Variants in TIAM2 observed in about 807,000 individuals in gnomAD.
TIAM2 encodes the protein TIAM Rac1 associated GEF 2.
Under a neutral mutation model 152.9 loss-of-function variants are expected in TIAM2, and 80 were observed. The observed-to-expected ratio is 0.52, with a 90% CI of 0.44 to 0.63. TIAM2 has a LOEUF of 0.63. Among genes scored for constraint, TIAM2 ranks in the 30% least tolerant of loss-of-function variants. TIAM2 has a pLI of 0.00. For missense variants in TIAM2, 1,965 were observed against 2,120.1 expected, an observed-to-expected ratio of 0.93 and a Z score of 1.44; for synonymous variants, 804 against 838.0, an observed-to-expected ratio of 0.96 and a Z score of 0.70.
At chr6:155,233,163 T>C (rs1782568323) in intron 15 of TIAM2, among the ~76,000 whole-genome samples, 1 of 152,144 alleles carries the variant, frequency 6.6e-6, no homozygotes, top group Non-Finnish European at 1.5e-5. Flanking sequence ...AGTCTTGAAA[T>C]AGTTCTGGGT....
chr6:155,052,815 C>A (rs1475488928), intron 1 of TIAM2, among the ~76,000 whole-genome samples: 1 of 150,986 alleles, frequency 6.6e-6, no homozygotes, highest in Non-Finnish European at 1.5e-5. Flanking sequence ...GCCTGATATG[C>A]AACATAGGAA....
chr6:155,250,310 T>TAA (rs1238294344), intron 21 of TIAM2, among the ~76,000 whole-genome samples: 5 of 146,104 alleles, frequency 3.4e-5, no homozygotes, highest in African/African-American at 1.3e-4. Flanking sequence ...TTTTTTTTTT[T>TAA]AACATCAAAT....
chr6:155,196,503 G>A (rs1781350298), intron 14 of TIAM2, among the ~76,000 whole-genome samples: 3 of 152,162 alleles, frequency 2.0e-5, no homozygotes, highest in Non-Finnish European at 4.4e-5. Context: ...TGGGAAGCGG[G>A]AGTTACTCAA....
intron 17 of TIAM2, 79 bp from the exon 18 acceptor site, chr6:155,244,579 A>G: frequency 6.7e-7 from 1 of 1,498,424 alleles, no homozygotes; most frequent in Non-Finnish European, 9.0e-7. Context: ...CTTGTGATTT[A>G]TTTGTGGGCC....
chr6:155,060,610 G>A (rs923434971), intron 1 of TIAM2, among the ~76,000 whole-genome samples: 2 of 151,740 alleles, frequency 1.3e-5, no homozygotes, highest in Non-Finnish European at 2.9e-5. Context: ...AAGCCCTTTT[G>A]GGGAGCTAGG....
intron 14 of TIAM2, among the ~76,000 whole-genome samples, chr6:155,202,586 CTT>C (rs34052608): frequency 0.014 from 1,858 of 133,906 alleles, 50 homozygotes; most frequent in African/African-American, 0.048. Context: ...ACCTGGATAA[CTT>C]TTTTTTTTTT....
At chr6:155,076,930 G>A (rs546220939) in intron 1 of TIAM2, among the ~76,000 whole-genome samples, 59 of 152,194 alleles carry the variant, frequency 3.9e-4, no homozygotes, top group African/African-American at 8.9e-4. Flanking sequence ...TCCTGACCTC[G>A]GATGATCCAC....
chr6:155,031,372 T>C (rs948721108), intron 1 of TIAM2, among the ~76,000 whole-genome samples: 1 of 152,214 alleles, frequency 6.6e-6, no homozygotes, highest in African/African-American at 2.4e-5. Context: ...TTTTATAATT[T>C]ATCTGTAATA....
At chr6:155,105,762 T>A (rs1351375473) in intron 2 of TIAM2, among the ~76,000 whole-genome samples, 1 of 152,136 alleles carries the variant, frequency 6.6e-6, no homozygotes, top group African/African-American at 2.4e-5. Flanking sequence ...TTGTTATTTT[T>A]AAAATGATGA....
At chr6:155,212,259 A>G (rs1219897549) in intron 15 of TIAM2, among the ~76,000 whole-genome samples, 3 of 152,140 alleles carry the variant, frequency 2.0e-5, no homozygotes, top group Non-Finnish European at 2.9e-5. Flanking sequence ...TAGCTTTTTG[A>G]GGAACAGCCC....
chr6:155,244,137 T>G, intron 17 of TIAM2, 58 bp downstream of exon 17: 1 of 1,495,740 alleles, frequency 6.7e-7, no homozygotes, highest in Non-Finnish European at 9.3e-7. Context: ...CTGTTTGCCT[T>G]TTAGCAGAAC....
At chr6:155,000,465 A>G (rs1458197200) in intron 1 of TIAM2, among the ~76,000 whole-genome samples, 1 of 133,694 alleles carries the variant, frequency 7.5e-6, no homozygotes, top group Non-Finnish European at 1.6e-5. Context: ...CGGGAGGCAG[A>G]GGTTGTGGTG....
rs746630747 is a variant in TIAM2, at chr6:155,186,368, T to G, written c.3064+2868T>G. ...GATGGGCCCTGGAATGAGCCCCAGCTGTACACAGCAGCCTCGCTTTCACAC... is the reference window on the plus strand; with the variant it reads ...GATGGGCCCTGGAATGAGCCCCAGCGGTACACAGCAGCCTCGCTTTCACAC... On this transcript the variant is annotated intron_variant, in intron 14 of 26. Coordinates refer to ENST00000682666, the MANE Select transcript of TIAM2 (RefSeq NM_012454.4). This position sits in a 1 kb window ranked among gnomAD's most constrained non-coding sequence, Gnocchi z 4.5. Among the ~76,000 whole-genome samples, 9 of 152,262 alleles carry G rather than the reference T, an allele frequency of 5.9e-5. No homozygotes were observed. The highest frequency in any genetic ancestry group is 1.2e-4 in the Non-Finnish European group (8 of 68,018).
intron 14 of TIAM2, among the ~76,000 whole-genome samples, chr6:155,196,887 T>A (rs1781358214): frequency 6.6e-6 from 1 of 152,260 alleles, no homozygotes; most frequent in Admixed American, 6.5e-5. Flanking sequence ...TTATCCTTTC[T>A]TGCATATGGC....
chr6:155,082,114 T>C (rs142213075), intron 1 of TIAM2, among the ~76,000 whole-genome samples: 3,585 of 152,004 alleles, frequency 0.024, 174 homozygotes, highest in African/African-American at 0.082. Flanking sequence ...GAGGCCGAGG[T>C]GGGAGGATCA....
intron 2 of TIAM2, among the ~76,000 whole-genome samples, chr6:155,095,324 G>A (rs1295791785): frequency 2.6e-5 from 4 of 152,176 alleles, no homozygotes; most frequent in Non-Finnish European, 5.9e-5. Flanking sequence ...ATCTGGCTTT[G>A]TTTTGCTTTA....
At chr6:155,130,535 T>G (rs889149223) in intron 4 of TIAM2, 118 bp downstream of exon 4, 2 of 912,978 alleles carry the variant, frequency 2.2e-6, no homozygotes, top group African/African-American at 3.4e-5. Flanking sequence ...CTGGCAAAAG[T>G]GAAGAGTTCA....
At chr6:155,020,261 A>T (rs571762327) in intron 1 of TIAM2, among the ~76,000 whole-genome samples, 3 of 152,184 alleles carry the variant, frequency 2.0e-5, no homozygotes, top group Non-Finnish European at 4.4e-5. Flanking sequence ...AATTAGATCC[A>T]CGTCACAGAG....
chr6:155,016,636 T>C (rs2246460), intron 1 of TIAM2, among the ~76,000 whole-genome samples: 149,220 of 152,236 alleles, frequency 0.98, 73,140 homozygotes, highest in Middle Eastern at 1. Flanking sequence ...TGGTGGCTCA[T>C]GCCTGTAATC....
Sources: allele counts gnomAD v4.1 joint callset (sites outside exome capture counted in the v4.1 genomes callset), GRCh38; gene constraint gnomAD v4.1.1; non-coding constraint Gnocchi (gnomAD v3.1); transcripts MANE v1.5; gene names NCBI Gene and HGNC (gene_info 2026-07-23, HGNC 2026-07-21).